RGL1: variants seen among roughly 807,000 people sequenced by gnomAD.
RGL1 encodes the protein ral guanine nucleotide dissociation stimulator-like 1.
RGL1 carries 24 observed loss-of-function variants against 95.2 expected under a neutral mutation model. The observed-to-expected ratio is 0.25, with a 90% CI of 0.18 to 0.35. The LOEUF is 0.35. Among genes scored for constraint, RGL1 ranks in the 10% least tolerant of loss-of-function variants. The pLI, the probability that RGL1 is intolerant of heterozygous loss-of-function variation, is 1.00. For synonymous variants in RGL1, 329 were observed against 344.9 expected (o/e 0.95, Z 0.51); for missense variants, 715 against 936.3 (o/e 0.76, Z 3.08).
intron 12 of RGL1, 76 bp downstream of exon 12, chr1:183,902,676 TG>T (rs1272349480): frequency 1.3e-5 from 19 of 1,437,238 alleles, no homozygotes; most frequent in Non-Finnish European, 1.6e-5. Context: ...TAAGTTTTTT[TG>T]TAGAGGCAGA....
At chr1:183,843,212 A>G (rs1033747890) in intron 2 of RGL1, among the ~76,000 whole-genome samples, 1 of 152,238 alleles carries the variant, frequency 6.6e-6, no homozygotes, top group Non-Finnish European at 1.5e-5. Flanking sequence ...GAGCAATTCT[A>G]TACTTATTTT....
upstream of RGL1, among the ~76,000 whole-genome samples, chr1:183,800,809 C>A (rs1660946144): frequency 6.6e-6 from 1 of 152,076 alleles, no homozygotes; most frequent in Non-Finnish European, 1.5e-5. Context: ...AAGGTTCATC[C>A]ATGTTGTTGC....
At chr1:183,922,511 T>G (rs917731295) in intron 17 of RGL1, among the ~76,000 whole-genome samples, 175 bp downstream of exon 17, 2 of 152,200 alleles carry the variant, frequency 1.3e-5, no homozygotes, top group African/African-American at 4.8e-5. Flanking sequence ...CTTGTGGAAT[T>G]AAGTATCTCA....
chr1:183,839,879 A>G (rs1483115026), intron 2 of RGL1, among the ~76,000 whole-genome samples: 2 of 152,230 alleles, frequency 1.3e-5, no homozygotes, highest in African/African-American at 4.8e-5. Context: ...TCCTATAACA[A>G]AAGACAGGTT....
chr1:183,705,043 G>A (rs187846318), intron 1 of RGL1, among the ~76,000 whole-genome samples: 4 of 152,290 alleles, frequency 2.6e-5, no homozygotes, highest in East Asian at 1.9e-4. Context: ...GAGTGAGGAC[G>A]GGGGCTGAGG....
chr1:183,645,548 C>T (rs1250858473), intron 1 of RGL1, among the ~76,000 whole-genome samples: 2 of 152,222 alleles, frequency 1.3e-5, no homozygotes, highest in Non-Finnish European at 2.9e-5. Flanking sequence ...TTCCATATCA[C>T]CATTGCCAGT....
chr1:183,767,377 A>G (rs1314400490), intron 2 of RGL1, among the ~76,000 whole-genome samples: 1 of 152,208 alleles, frequency 6.6e-6, no homozygotes, highest in Non-Finnish European at 1.5e-5. Context: ...TTTTTCTCTT[A>G]CTCAGATAAC....
intron 2 of RGL1, chr1:183,742,293 A>G: frequency 2.5e-6 from 4 of 1,613,928 alleles, no homozygotes; most frequent in Non-Finnish European, 3.4e-6. Flanking sequence ...AGAGGAGGTA[A>G]GATGACTCTA....
intron 2 of RGL1, among the ~76,000 whole-genome samples, chr1:183,798,625 T>C (rs1454553253): frequency 6.6e-6 from 1 of 152,104 alleles, no homozygotes; most frequent in Non-Finnish European, 1.5e-5. Context: ...TATTAGGCAC[T>C]GTGTTATAGA....
At chr1:183,870,441 T>TTGTCTTCCGGCCAGGGTAGG (rs71130646) in intron 4 of RGL1, among the ~76,000 whole-genome samples, 48 of 121,770 alleles carry the variant, frequency 3.9e-4, no homozygotes, top group East Asian at 2.4e-3. Flanking sequence ...GCCAGGGTAG[T>TTGTCTTCCGGCCAGGGTAGG]TGTCTTCCGG....
intron 2 of RGL1, among the ~76,000 whole-genome samples, chr1:183,813,341 A>G (rs1482125027): frequency 6.6e-6 from 1 of 152,188 alleles, no homozygotes; most frequent in East Asian, 1.9e-4. Context: ...TACACTAGCA[A>G]ATGCCTGCGT....
At position 183,874,396 on chromosome 1, in the gene RGL1, G is replaced by A. The variant is rs10911458; in HGVS notation, c.426-6220G>A. ...AGGTGTGTAAATAACCTTGACTTTG[G>A]GTAATTGGCTTCAGGCTTATCCATC... On this transcript the variant is annotated intron_variant, in intron 4 of 17. Transcript: ENST00000360851. 1.3e-3 allele frequency among the ~76,000 whole-genome samples: 205 copies of A among 152,194 alleles called. 3 individuals are homozygous for A. The East Asian group carries it at 0.033, about 25-fold the overall frequency.
At chr1:183,730,414 C>G (rs1290720754) in intron 1 of RGL1, among the ~76,000 whole-genome samples, 1 of 152,152 alleles carries the variant, frequency 6.6e-6, no homozygotes, top group African/African-American at 2.4e-5. Flanking sequence ...GACCACAAAA[C>G]TCACTACCTC....
At chr1:183,763,277 T>C (rs1658799911) in intron 2 of RGL1, among the ~76,000 whole-genome samples, 1 of 151,990 alleles carries the variant, frequency 6.6e-6, no homozygotes, top group Non-Finnish European at 1.5e-5. Context: ...TTAGGAGAAA[T>C]ACCTAATGTA....
At chr1:183,675,297 T>C (rs1652747586) in intron 1 of RGL1, among the ~76,000 whole-genome samples, 1 of 151,998 alleles carries the variant, frequency 6.6e-6, no homozygotes, top group Admixed American at 6.5e-5. Context: ...TATATGGTTT[T>C]TTTTTTTCTC....
At chr1:183,777,927 T>A (rs1341102156) in intron 2 of RGL1, among the ~76,000 whole-genome samples, 1 of 152,230 alleles carries the variant, frequency 6.6e-6, no homozygotes, top group Non-Finnish European at 1.5e-5. Flanking sequence ...ACCCTATTGA[T>A]ACTGAGAAAA....
chr1:183,921,056 T>C (rs1669284619), intron 16 of RGL1, among the ~76,000 whole-genome samples: 1 of 152,246 alleles, frequency 6.6e-6, no homozygotes. Context: ...ATCTGAGTTT[T>C]CATTCACTTC....
rs1668974842 is a variant in RGL1 at position 183,916,443 on chromosome 1, C to G, written c.1750-4C>G. The G allele has an allele frequency of 6.2e-7, 1 of 1,613,684 alleles. No homozygotes were observed. Among genetic ancestry groups the G allele is most frequent in the African/African-American group, 1.3e-5 (1 of 74,892 alleles). The stretch of plus-strand genomic sequence containing the variant: ...TTTCTTCTGGGGTGTGTTTACTCTT[C>G]CAGCTCTCTGAGTCCTCCTCATCCT... On this transcript the variant is annotated splice_polypyrimidine_tract_variant and splice_region_variant and intron_variant, in intron 15 of 17. Transcript: ENST00000360851.
At chr1:183,830,046 A>G (rs1351065608) in intron 2 of RGL1, among the ~76,000 whole-genome samples, 2 of 152,152 alleles carry the variant, frequency 1.3e-5, no homozygotes, top group Non-Finnish European at 1.5e-5. Context: ...AGTGTCCTAT[A>G]ATAGTATGCA....
Sources: allele counts gnomAD v4.1 joint callset (sites outside exome capture counted in the v4.1 genomes callset), GRCh38; gene constraint gnomAD v4.1.1; transcripts MANE v1.5; gene names NCBI Gene and HGNC (gene_info 2026-07-23, HGNC 2026-07-21).